The following CSMD1 variants were observed in gnomAD, a reference collection of about 807,000 sequenced individuals.
The protein encoded by CSMD1 is CUB and sushi domain-containing protein 1.
CSMD1 carries 213 observed loss-of-function variants against 417.5 expected under a neutral mutation model. The observed-to-expected ratio is 0.51, with a 90% CI of 0.46 to 0.57. CSMD1 has a LOEUF of 0.57. CSMD1 is among the 20% of genes least tolerant of loss of function. The pLI is 0.00. For synonymous variants in CSMD1, 2,862 were observed against 1,736.8 expected, an observed-to-expected ratio of 1.65 and a Z score of -16.11; for missense variants, 6,923 against 4,529.7, an observed-to-expected ratio of 1.53 and a Z score of -15.17.
chr8:4,599,067 C>A (rs772633122), intron 2 of CSMD1, among the ~76,000 whole-genome samples: 1 of 152,128 alleles, frequency 6.6e-6, no homozygotes, highest in African/African-American at 2.4e-5. Context: ...GTAACATGAA[C>A]TAACTCTACA....
At chr8:4,696,177 C>G (rs1033158179) in intron 1 of CSMD1, among the ~76,000 whole-genome samples, 7 of 152,098 alleles carry the variant, frequency 4.6e-5, no homozygotes, top group African/African-American at 1.2e-4. Flanking sequence ...TGTTTTAAAG[C>G]CAGTGCACAT....
At chr8:3,323,388 T>G (rs570134717) in intron 23 of CSMD1, among the ~76,000 whole-genome samples, 4 of 152,088 alleles carry the variant, frequency 2.6e-5, no homozygotes, top group African/African-American at 7.2e-5. Flanking sequence ...AATCTACCCT[T>G]CCCCATTTTC....
intron 5 of CSMD1, among the ~76,000 whole-genome samples, chr8:3,789,271 T>C (rs1265841205): frequency 6.6e-6 from 1 of 152,130 alleles, no homozygotes; most frequent in Non-Finnish European, 1.5e-5. Context: ...CCCAGCCTCC[T>C]GAACTGTTGT....
intron 7 of CSMD1, among the ~76,000 whole-genome samples, chr8:3,672,100 T>A (rs1585051998): frequency 6.6e-6 from 1 of 152,184 alleles, no homozygotes; most frequent in Non-Finnish European, 1.5e-5. Flanking sequence ...AAAAGGTTGA[T>A]GCAGCGTTCA....
intron 3 of CSMD1, among the ~76,000 whole-genome samples, chr8:4,236,026 G>GT (rs147378202): frequency 2.8e-5 from 3 of 108,084 alleles, no homozygotes; most frequent in African/African-American, 1.3e-4. Context: ...AATGGATATT[G>GT]TTTTTTTTGT....
chr8:3,325,640 G>A lies in CSMD1; in HGVS notation c.3632-17137C>T, dbSNP rs926069374. Among the ~76,000 whole-genome samples, 5 of 152,104 alleles carry A rather than the reference G, an allele frequency of 3.3e-5. No individual in the cohort carries two copies. The East Asian group carries it at 5.8e-4, about 18-fold the overall frequency. On this transcript the variant is annotated intron_variant, in intron 23 of 69. Coordinates refer to ENST00000635120, the MANE Select transcript of CSMD1 (RefSeq NM_033225.6). ...GGAGTTTGAGACCAGCCTGCTCAGC[G>A]TGGTGAAACCCCGTCTCTACTAAAA...
At chr8:3,858,287 C>G (rs1004756919) in intron 5 of CSMD1, among the ~76,000 whole-genome samples, 1 of 152,124 alleles carries the variant, frequency 6.6e-6, no homozygotes, top group African/African-American at 2.4e-5. Flanking sequence ...ATCAAACCCT[C>G]AGGATTTCAT....
intron 4 of CSMD1, among the ~76,000 whole-genome samples, chr8:4,017,976 T>C (rs761102430): frequency 1.3e-5 from 2 of 152,186 alleles, no homozygotes; most frequent in Non-Finnish European, 2.9e-5. Flanking sequence ...CATTTATACA[T>C]GTTGCATTTT....
chr8:4,179,531 G>C (rs1798238369), intron 3 of CSMD1, among the ~76,000 whole-genome samples: 2 of 150,646 alleles, frequency 1.3e-5, no homozygotes, highest in South Asian at 4.3e-4. Flanking sequence ...AAGACTTCAT[G>C]TCTAAAACAC....
At chr8:4,382,263 C>T (rs1009294758) in intron 3 of CSMD1, among the ~76,000 whole-genome samples, 2 of 152,142 alleles carry the variant, frequency 1.3e-5, no homozygotes, top group Admixed American at 6.6e-5. Flanking sequence ...GATCATTGAC[C>T]TGACAGCACT....
intron 2 of CSMD1, among the ~76,000 whole-genome samples, chr8:4,627,812 G>C (rs1368435194): frequency 1.3e-5 from 2 of 152,052 alleles, no homozygotes; most frequent in African/African-American, 2.4e-5. Context: ...AATAGTATAG[G>C]AATAGTACAG....
chr8:3,492,952 A>AT (rs1796194656), intron 11 of CSMD1, among the ~76,000 whole-genome samples: 1 of 152,170 alleles, frequency 6.6e-6, no homozygotes, highest in Admixed American at 6.5e-5. Flanking sequence ...ACCTCTTTAA[A>AT]AACCCTGATA....
chr8:4,233,618 G>C (rs1476354444), intron 3 of CSMD1, among the ~76,000 whole-genome samples: 1 of 152,098 alleles, frequency 6.6e-6, no homozygotes, highest in Non-Finnish European at 1.5e-5. Flanking sequence ...AGGACACCTT[G>C]ATCTTGGACT....
chr8:4,635,614 G>C (rs888180265), intron 2 of CSMD1, among the ~76,000 whole-genome samples: 3 of 152,042 alleles, frequency 2.0e-5, no homozygotes, highest in Non-Finnish European at 4.4e-5. Context: ...ACACACATTG[G>C]CATTTGAATA....
chr8:4,236,042 T>TGG (rs1351518135), intron 3 of CSMD1, among the ~76,000 whole-genome samples: 1 of 34,532 alleles, frequency 2.9e-5, no homozygotes, highest in African/African-American at 7.0e-5. Flanking sequence ...TTTGTTTGTT[T>TGG]TTTTTTTTTT....
intron 12 of CSMD1, among the ~76,000 whole-genome samples, chr8:3,435,462 C>A (rs1814495845): frequency 1.3e-5 from 2 of 152,052 alleles, no homozygotes; most frequent in Non-Finnish European, 2.9e-5. Flanking sequence ...CTTAGACCAC[C>A]ACATTCTGTC....
chr8:3,322,631 G>A (rs1418149075), intron 23 of CSMD1, among the ~76,000 whole-genome samples: 5 of 152,156 alleles, frequency 3.3e-5, no homozygotes, highest in Non-Finnish European at 7.3e-5. Flanking sequence ...GACCAAAGTT[G>A]TAGGGACGCC....
rs187555520 is a variant in CSMD1 at position 3,346,042 on chromosome 8, G to A, written c.3474+1950C>T. 4.6e-5 allele frequency among the ~76,000 whole-genome samples: 7 copies of A among 152,116 alleles called. No homozygotes were observed. In the East Asian group the frequency reaches 5.8e-4, roughly 13 times the overall value. ...ATTATTACATCACAGTATGTGCGAA[G>A]GATCAATGTGAACAGCATTAGGCTT... On this transcript the variant is annotated intron_variant, in intron 22 of 69. Transcript: ENST00000635120.
chr8:4,026,413 T>C (rs919002542), intron 4 of CSMD1, among the ~76,000 whole-genome samples: 10 of 152,204 alleles, frequency 6.6e-5, no homozygotes, highest in African/African-American at 2.2e-4. Context: ...GGTGGCAGCA[T>C]AGGAAAGACA....
Sources: gnomAD v4.1 joint callset for allele counts (sites outside exome capture counted in the v4.1 genomes callset) on GRCh38, gnomAD v4.1.1 for gene constraint, MANE v1.5 for transcripts, NCBI Gene and HGNC (gene_info 2026-07-23, HGNC 2026-07-21) for gene names.